The following RPS6KA1 variants were observed in gnomAD, a reference collection of about 807,000 sequenced individuals.
The protein encoded by RPS6KA1 is ribosomal protein S6 kinase A1, also known as ribosomal protein S6 kinase alpha-1.
A neutral mutation model predicts 91.3 loss-of-function variants in RPS6KA1; 48 were observed. The observed-to-expected ratio is 0.53, with a 90% confidence interval of 0.42 to 0.67. The LOEUF is 0.67. Ranked by LOEUF, RPS6KA1 falls within the 30% of genes least tolerant of loss-of-function variation. The pLI, the probability that RPS6KA1 is intolerant of heterozygous loss-of-function variation, is 0.00. For synonymous variants in RPS6KA1, 359 were observed against 384.7 expected (o/e 0.93, Z 0.78); for missense variants, 719 against 960.5 (o/e 0.75, Z 3.32).
rs574527113 is a variant in RPS6KA1 at position 26,539,914 on chromosome 1, C to T, written c.108+2945C>T. ...TCTATTTTGAGAGCTGAGCGTCTCC[C>T]CTCCCCTCCTCTCTTCCTGTTTATG... On this transcript the variant is annotated intron_variant, in intron 2 of 21. Coordinates refer to ENST00000374168, the MANE Select transcript of RPS6KA1 (RefSeq NM_002953.4). Among the ~76,000 whole-genome samples, 22 of 152,302 alleles carry T rather than the reference C, an allele frequency of 1.4e-4. No individual in the cohort carries two copies. The South Asian group carries it at 4.6e-3, about 32-fold the overall frequency.
intron 12 of RPS6KA1, 51 bp from the exon 13 acceptor site, chr1:26,556,947 G>A (rs1338162682): frequency 7.1e-7 from 1 of 1,412,590 alleles, no homozygotes. Flanking sequence ...GGGGCTCCTG[G>A]TGGGCTGTTG....
In RPS6KA1 at chr1:26,530,859, T is replaced by A. The variant is rs780182491; in HGVS notation, c.63+876T>A. ...GTCAAGGTCAAGCCCCTGAATGAGC[T>A]GGTGGAAAACTTCCTCCTTAACCTC... On this transcript the variant is annotated intron_variant, in intron 1 of 21. Coordinates refer to ENST00000374168, the MANE Select transcript of RPS6KA1 (RefSeq NM_002953.4). 5 of 1,285,704 alleles carry A rather than the reference T, an allele frequency of 3.9e-6. No homozygotes were observed. The South Asian group carries it at 6.2e-5, about 16-fold the overall frequency. 79.6% of individuals were successfully genotyped at this position (1,285,704 alleles called of 1,614,324 possible).
chr1:26,561,031 C>T lies in RPS6KA1; in HGVS notation c.1342-14C>T. ...TGTCACCCTGACACTGCCACATGCA[C>T]CCCCTTTCTTCAGGTCATTGATAAG... On this transcript the variant is annotated splice_polypyrimidine_tract_variant and intron_variant, in intron 15 of 21. Transcript: ENST00000374168. The surrounding 1 kb of genome is among the most constrained non-coding windows in gnomAD (Gnocchi z 5.7). The T allele has an allele frequency of 6.2e-7, 1 of 1,612,322 alleles. No homozygotes were observed. Among genetic ancestry groups the T allele is most frequent in the Non-Finnish European group, 8.5e-7 (1 of 1,178,914 alleles).
chr1:26,574,794 C>G lies in RPS6KA1; in HGVS notation c.*593C>G. On this transcript the variant is annotated 3_prime_UTR_variant, in exon 22 of 22. Transcript: ENST00000374168. The surrounding 1 kb of genome is among the most constrained non-coding windows in gnomAD (Gnocchi z 4.3). ...CCTGCTGGCTTCCAGCTTCAGGCAC[C>G]AGCATCCACCTTGGCTCTGCCAGTG... The G allele has an allele frequency of 3.9e-6, 1 of 256,628 alleles. No individual in the cohort carries two copies. The highest frequency in any genetic ancestry group is 7.8e-6 in the Non-Finnish European group (1 of 127,410). 15.9% of individuals were successfully genotyped at this position (256,628 alleles called of 1,614,324 possible).
intron 17 of RPS6KA1, among the ~76,000 whole-genome samples, chr1:26,567,022 T>TC (rs56752514): frequency 4.6e-4 from 50 of 109,886 alleles, no homozygotes; most frequent in Admixed American, 5.1e-4. Flanking sequence ...ACATATTAAC[T>TC]TTTTTTTTTT....
At position 26,558,661 on chromosome 1, in the gene RPS6KA1, C is replaced by G. The variant is rs2076126364; in HGVS notation, c.1085-146C>G. The G allele has an allele frequency of 5.8e-6, 5 of 869,526 alleles. No homozygotes were observed. The highest frequency in any genetic ancestry group is 7.3e-6 in the Non-Finnish European group (4 of 549,762). The allele number at this position is 869,526 out of a possible 1,614,324, so 53.9% of individuals were successfully genotyped here. A position where few individuals can be genotyped will look rare whatever the true frequency, so the allele number is the denominator to read the frequency against. On this transcript the variant is annotated intron_variant, in intron 13 of 21. Coordinates refer to ENST00000374168, the MANE Select transcript of RPS6KA1 (RefSeq NM_002953.4). This position sits in a 1 kb window ranked among gnomAD's most constrained non-coding sequence, Gnocchi z 4.0. ...ACACATATGAGCAGTTGGGCCAAGG[C>G]CTGTGATGGACAGGCCCTCTGCAGG...
intron 1 of RPS6KA1, chr1:26,531,162 A>T (rs1344342868): frequency 3.8e-5 from 6 of 157,798 alleles, no homozygotes; most frequent in Non-Finnish European, 8.5e-5. Flanking sequence ...GACACTGGCT[A>T]TTGGAGGGTG....
intron 6 of RPS6KA1, 43 bp from the exon 7 acceptor site, chr1:26,553,348 G>A (rs1477958685): frequency 1.4e-6 from 2 of 1,397,886 alleles, no homozygotes; most frequent in Non-Finnish European, 1.0e-6. Context: ...CAGCTCTTAA[G>A]GAAGAGGAGG....
At position 26,540,617 on chromosome 1, in the gene RPS6KA1, C is replaced by T. The variant is rs916628153; in HGVS notation, c.108+3648C>T. Among the ~76,000 whole-genome samples the T allele has an allele frequency of 6.6e-6, 1 of 152,204 alleles. No individual in the cohort carries two copies. Among genetic ancestry groups the T allele is most frequent in the Admixed American group, 6.5e-5 (1 of 15,282 alleles). On this transcript the variant is annotated intron_variant, in intron 2 of 21. Coordinates refer to ENST00000374168, the MANE Select transcript of RPS6KA1 (RefSeq NM_002953.4). The surrounding 1 kb of genome is among the most constrained non-coding windows in gnomAD (Gnocchi z 4.2). ...TTGAGGCAGGGCCTCCCTCTGTTGC[C>T]CAGGCTGGAGTGCAGTGGTACAACC...
chr1:26,557,537 C>T (rs920268210), intron 13 of RPS6KA1, among the ~76,000 whole-genome samples: 2 of 152,120 alleles, frequency 1.3e-5, no homozygotes, highest in Admixed American at 6.5e-5. Flanking sequence ...GCTTTGGCTG[C>T]CCTGACTGCC....
chr1:26,564,344 C>T (rs953245973), intron 17 of RPS6KA1, among the ~76,000 whole-genome samples: 2 of 152,102 alleles, frequency 1.3e-5, no homozygotes, highest in Admixed American at 6.5e-5. Context: ...CTGCAAGCTC[C>T]GCCTCCCAGG....
At chr1:26,532,548 G>A (rs992448321) in intron 1 of RPS6KA1, among the ~76,000 whole-genome samples, 4 of 152,166 alleles carry the variant, frequency 2.6e-5, no homozygotes, top group Non-Finnish European at 5.9e-5. Flanking sequence ...TATCCTGCAA[G>A]GCCCTCGTCC....
Position 26,554,438 on chromosome 1 carries a change from G to C in RPS6KA1, c.614-158G>C. The C allele has an allele frequency of 8.6e-7, 1 of 1,167,174 alleles. No homozygotes were observed. Among genetic ancestry groups the C allele is most frequent in the Non-Finnish European group, 1.2e-6 (1 of 813,206 alleles). 72.3% of individuals were successfully genotyped at this position (1,167,174 alleles called of 1,614,324 possible). A position where few individuals can be genotyped will look rare whatever the true frequency, so the allele number is the denominator to read the frequency against. Reference sequence around the variant, plus strand: ...GAATCCCAGCCCCTCATTGTGTAACGTTGAGCAAGTCACCTGACCTCTCTG... The same window carrying C: ...GAATCCCAGCCCCTCATTGTGTAACCTTGAGCAAGTCACCTGACCTCTCTG... On this transcript the variant is annotated intron_variant, in intron 8 of 21. Transcript: ENST00000374168. The surrounding 1 kb of genome is among the most constrained non-coding windows in gnomAD (Gnocchi z 4.6).
intron 14 of RPS6KA1, among the ~76,000 whole-genome samples, chr1:26,559,935 T>C (rs976848939): frequency 2.0e-5 from 3 of 152,014 alleles, no homozygotes; most frequent in African/African-American, 2.4e-5. Flanking sequence ...TCTCTAAAAA[T>C]ACAAAAATCA....
rs2076276611 is a variant in RPS6KA1 at position 26,574,205 on chromosome 1, A to C, written c.*4A>C. 4 of 1,613,910 alleles carry C rather than the reference A, an allele frequency of 2.5e-6. No individual in the cohort carries two copies. Among genetic ancestry groups the C allele is most frequent in the African/African-American group, 1.3e-5 (1 of 74,916 alleles). ...GTTGCCATCCACCACCCTGTGAGGC[A>C]CCAGGGCATTCGGGCCACAGGGCGG... On this transcript the variant is annotated 3_prime_UTR_variant, in exon 22 of 22. Coordinates refer to ENST00000374168, the MANE Select transcript of RPS6KA1 (RefSeq NM_002953.4). The surrounding 1 kb of genome is among the most constrained non-coding windows in gnomAD (Gnocchi z 4.3).
At chr1:26,572,980 G>A (rs2076262577) in intron 20 of RPS6KA1, among the ~76,000 whole-genome samples, 1 of 152,216 alleles carries the variant, frequency 6.6e-6, no homozygotes, top group African/African-American at 2.4e-5. Flanking sequence ...TTCCCACATG[G>A]CTTTTTGAAG....
intron 14 of RPS6KA1, among the ~76,000 whole-genome samples, chr1:26,560,493 C>T (rs745729789): frequency 5.3e-5 from 8 of 152,238 alleles, no homozygotes; most frequent in Admixed American, 2.6e-4. Flanking sequence ...CCTCTGACCA[C>T]AGGCTGCAGT....
chr1:26,553,559 C>A, intron 7 of RPS6KA1, 62 bp downstream of exon 7: 1 of 1,044,204 alleles, frequency 9.6e-7, no homozygotes, highest in Non-Finnish European at 1.5e-6. Flanking sequence ...AGGACAGGGC[C>A]ATCCTGAGGT....
At chr1:26,536,990 C>T (rs1377346869) in intron 2 of RPS6KA1, 21 bp downstream of exon 2, 1 of 1,613,898 alleles carries the variant, frequency 6.2e-7, no homozygotes, top group East Asian at 2.2e-5. Context: ...TGGCCAGCAC[C>T]CTGAGCGAGG....
Sources: allele counts gnomAD v4.1 joint callset (sites outside exome capture counted in the v4.1 genomes callset), GRCh38; gene constraint gnomAD v4.1.1; non-coding constraint Gnocchi (gnomAD v3.1); transcripts MANE v1.5; gene names NCBI Gene and HGNC (gene_info 2026-07-23, HGNC 2026-07-21).